Variants in PAX3 observed in about 807,000 individuals in gnomAD.
The protein encoded by PAX3 is paired box protein Pax-3.
Under a neutral mutation model 51.6 loss-of-function variants are expected in PAX3, and 14 were observed. The ratio of observed to expected loss-of-function variants is 0.27; its 90% CI spans 0.18 to 0.42. The LOEUF (loss-of-function observed/expected upper bound fraction) is 0.42, where lower values mean the gene tolerates loss of function less well. Among genes scored for constraint, PAX3 ranks in the 10% least tolerant of loss-of-function variants. The pLI, the probability that PAX3 is intolerant of heterozygous loss-of-function variation, is 1.00. For synonymous variants in PAX3, 280 were observed against 253.4 expected, an observed-to-expected ratio of 1.11 and a Z score of -1.00; for missense variants, 540 against 642.8, an observed-to-expected ratio of 0.84 and a Z score of 1.73.
chr2:222,290,370 C>CT lies in PAX3; in HGVS notation c.586+3796dup, dbSNP rs905491200. Among the ~76,000 whole-genome samples, 14 of 152,302 alleles carry CT rather than the reference C, an allele frequency of 9.2e-5. 1 individual carries two copies. The highest frequency in any genetic ancestry group is 3.1e-4 in the African/African-American group (13 of 41,572). On this transcript the variant is annotated intron_variant, in intron 4 of 8. Coordinates refer to ENST00000392070, the MANE Select transcript of PAX3 (RefSeq NM_181458.4). Reference sequence around the variant, plus strand: ...TTCTCCAATTTTTTAAGAAAGCACTCTTTTTTGTAAACGTCAAATAAGAGG... The same window carrying CT: ...TTCTCCAATTTTTTAAGAAAGCACTCTTTTTTTGTAAACGTCAAATAAGAGG...
intron 4 of PAX3, among the ~76,000 whole-genome samples, chr2:222,245,942 C>T (rs1693213912): frequency 6.6e-6 from 1 of 152,124 alleles, no homozygotes; most frequent in Non-Finnish European, 1.5e-5. Context: ...AATCATGCCA[C>T]TGCATTCCAG....
intron 7 of PAX3, among the ~76,000 whole-genome samples, chr2:222,211,078 G>C (rs556845860): frequency 3.3e-4 from 50 of 152,072 alleles, no homozygotes; most frequent in Non-Finnish European, 6.3e-4. Flanking sequence ...TGTTGCCTAG[G>C]TTGGTCTCAA....
chr2:222,213,832 A>AGTT (rs1691845857), intron 7 of PAX3, among the ~76,000 whole-genome samples: 1 of 152,182 alleles, frequency 6.6e-6, no homozygotes, highest in South Asian at 2.1e-4. Context: ...CCTTATCAAC[A>AGTT]AGACTAGCAT....
chr2:222,237,424 T>TAATC (rs1432050600), intron 4 of PAX3, among the ~76,000 whole-genome samples: 1 of 151,774 alleles, frequency 6.6e-6, no homozygotes, highest in East Asian at 1.9e-4. Flanking sequence ...ATCACTTAGC[T>TAATC]AATCACCACT....
chr2:222,237,200 G>T (rs748769372), intron 4 of PAX3, among the ~76,000 whole-genome samples: 2 of 152,002 alleles, frequency 1.3e-5, no homozygotes, highest in Non-Finnish European at 2.9e-5. Context: ...ACTCCAAGAG[G>T]TTGTTCAGTT....
intron 4 of PAX3, among the ~76,000 whole-genome samples, chr2:222,272,082 T>C (rs1694272346): frequency 6.6e-6 from 1 of 152,118 alleles, no homozygotes; most frequent in Non-Finnish European, 1.5e-5. Flanking sequence ...CCAGACAACA[T>C]TGACCTGGGA....
rs530580518 is a variant in PAX3 at position 222,202,208 on chromosome 2, T to C, written c.1174-18A>G. 7 of 1,537,184 alleles carry C rather than the reference T, an allele frequency of 4.6e-6. No homozygotes were observed. The highest frequency in any genetic ancestry group is 1.9e-5 in the Admixed American group (1 of 53,734). On this transcript the variant is annotated intron_variant, in intron 7 of 8. Coordinates refer to ENST00000392070, the MANE Select transcript of PAX3 (RefSeq NM_181458.4). Reference sequence around the variant, plus strand: ...CCCATTACCTAAAAAAACAGCCAGATTGGGAAGAGGTTAAAATGCAGAGAG... The same window carrying C: ...CCCATTACCTAAAAAAACAGCCAGACTGGGAAGAGGTTAAAATGCAGAGAG...
At position 222,274,624 on chromosome 2, in the gene PAX3, AT is replaced by A. The variant is rs572935101; in HGVS notation, c.586+19542del. Among the ~76,000 whole-genome samples the A allele has an allele frequency of 1.1e-3, 172 of 152,116 alleles. 1 individual carries two copies. The highest frequency in any genetic ancestry group is 4.0e-3 in the African/African-American group (167 of 41,526). On this transcript the variant is annotated intron_variant, in intron 4 of 8. Transcript: ENST00000392070. ...CAATATTTTAACTTGAAGCATATGT[AT>A]TTTCGCATTCCCTAAAATGTTTTAA...
At chr2:222,209,765 A>C (rs1691653556) in intron 7 of PAX3, among the ~76,000 whole-genome samples, 1 of 144,820 alleles carries the variant, frequency 6.9e-6, no homozygotes, top group Non-Finnish European at 1.5e-5. Flanking sequence ...GGTGGCATGC[A>C]CCTTTAGTCC....
chr2:222,295,773 C>A (rs1336027890), intron 2 of PAX3, 116 bp from the exon 3 acceptor site: 1 of 1,238,302 alleles, frequency 8.1e-7, no homozygotes, highest in Admixed American at 1.7e-5. Flanking sequence ...GGGACGGTCC[C>A]CCTTTGTGAG....
chr2:222,261,601 CAAAAAAAAAAAA>C (rs61534527), intron 4 of PAX3, among the ~76,000 whole-genome samples: 1 of 109,154 alleles, frequency 9.2e-6, no homozygotes, highest in Non-Finnish European at 2.0e-5. Flanking sequence ...ACAACAACAA[CAAAAAAAAAAAA>C]AAGAAAAAGA....
At position 222,298,716 on chromosome 2, in the gene PAX3, G is replaced by A. The variant is rs1695446751; in HGVS notation, c.-101C>T. The A allele has an allele frequency of 2.5e-6, 3 of 1,183,824 alleles. No individual in the cohort carries two copies. Among genetic ancestry groups the A allele is most frequent in the Non-Finnish European group, 1.2e-6 (1 of 818,066 alleles). 73.3% of individuals were successfully genotyped at this position (1,183,824 alleles called of 1,614,324 possible). On this transcript the variant is annotated 5_prime_UTR_variant, in exon 1 of 9. Coordinates refer to ENST00000392070, the MANE Select transcript of PAX3 (RefSeq NM_181458.4). ...TCGGGAACTATCCGGAGCGTGGAGAGCCCCTCCCCAAAACGGCTGGAGAGA... is the reference window on the plus strand; with the variant it reads ...TCGGGAACTATCCGGAGCGTGGAGAACCCCTCCCCAAAACGGCTGGAGAGA...
At chr2:222,261,991 C>CCA (rs1693879921) in intron 4 of PAX3, among the ~76,000 whole-genome samples, 1 of 152,058 alleles carries the variant, frequency 6.6e-6, no homozygotes, top group South Asian at 2.1e-4. Flanking sequence ...CTTCTTTGTG[C>CCA]CCCTTTGGTC....
chr2:222,273,282 C>T (rs1307758862), intron 4 of PAX3, among the ~76,000 whole-genome samples: 1 of 152,144 alleles, frequency 6.6e-6, no homozygotes, highest in Non-Finnish European at 1.5e-5. Context: ...TTCATTGTGA[C>T]TCTTCTTAAC....
chr2:222,232,733 A>T (rs1692645343), intron 4 of PAX3, among the ~76,000 whole-genome samples: 1 of 152,170 alleles, frequency 6.6e-6, no homozygotes. Flanking sequence ...TGTTTCTGAT[A>T]AATTTTCACC....
At chr2:222,258,457 A>C (rs1266454800) in intron 4 of PAX3, among the ~76,000 whole-genome samples, 1 of 152,172 alleles carries the variant, frequency 6.6e-6, no homozygotes, top group Non-Finnish European at 1.5e-5. Context: ...CATTATCACA[A>C]ATTTATTTAA....
intron 4 of PAX3, among the ~76,000 whole-genome samples, chr2:222,261,601 CAAAAAAA>C (rs61534527): frequency 3.7e-5 from 4 of 109,154 alleles, no homozygotes; most frequent in East Asian, 4.6e-4. Context: ...ACAACAACAA[CAAAAAAA>C]AAAAAAAGAA....
chr2:222,294,807 C>T (rs1248196571), intron 3 of PAX3, among the ~76,000 whole-genome samples: 1 of 104,822 alleles, frequency 9.5e-6, no homozygotes, highest in African/African-American at 3.6e-5. Flanking sequence ...TCCTTTCTTC[C>T]CTTTTTTTTT....
intron 4 of PAX3, among the ~76,000 whole-genome samples, chr2:222,276,381 G>C (rs924542954): frequency 3.3e-5 from 5 of 152,154 alleles, no homozygotes; most frequent in Non-Finnish European, 7.3e-5. Flanking sequence ...GCACCTAAAG[G>C]CATCTTTTCC....
Sources: gnomAD v4.1 joint callset for allele counts (sites outside exome capture counted in the v4.1 genomes callset) on GRCh38, gnomAD v4.1.1 for gene constraint, MANE v1.5 for transcripts, NCBI Gene and HGNC (gene_info 2026-07-23, HGNC 2026-07-21) for gene names.